Variants in ROR1 observed in about 807,000 individuals in gnomAD.
ROR1 encodes inactive tyrosine-protein kinase transmembrane receptor ROR1.
In ROR1, 19 loss-of-function variants were observed where a neutral mutation model predicts 78.8. The observed-to-expected ratio is 0.24, with a 90% confidence interval of 0.17 to 0.35. ROR1 has a LOEUF of 0.35. ROR1 is among the 10% of genes least tolerant of loss of function. The pLI is 1.00. For synonymous variants in ROR1, 386 were observed against 433.6 expected (o/e 0.89, Z 1.36); for missense variants, 917 against 1,177.8 (o/e 0.78, Z 3.24).
intron 2 of ROR1, among the ~76,000 whole-genome samples, chr1:64,029,825 A>G (rs565613605): frequency 2.0e-5 from 3 of 152,200 alleles, no homozygotes; most frequent in Non-Finnish European, 4.4e-5. Flanking sequence ...GGAGGAACAC[A>G]GTTCAGTCCA....
intron 1 of ROR1, among the ~76,000 whole-genome samples, chr1:63,903,983 T>A (rs1452177396): frequency 6.6e-6 from 1 of 152,088 alleles, no homozygotes; most frequent in Non-Finnish European, 1.5e-5. Flanking sequence ...GAGGCTGCAT[T>A]TGAGCAGAGT....
At chr1:63,968,862 A>G (rs1417371596) in intron 1 of ROR1, among the ~76,000 whole-genome samples, 1 of 152,218 alleles carries the variant, frequency 6.6e-6, no homozygotes, top group Non-Finnish European at 1.5e-5. Flanking sequence ...TTTGTTCAAC[A>G]CAGAGTTCAA....
chr1:63,831,965 C>T (rs1644991489), intron 1 of ROR1, among the ~76,000 whole-genome samples: 1 of 152,150 alleles, frequency 6.6e-6, no homozygotes, highest in Non-Finnish European at 1.5e-5. Flanking sequence ...GCCAGATATC[C>T]AAACCATCTC....
chr1:63,924,565 C>T (rs186285381), intron 1 of ROR1, among the ~76,000 whole-genome samples: 3 of 152,190 alleles, frequency 2.0e-5, no homozygotes, highest in Admixed American at 1.3e-4. Context: ...TACTGCCTCC[C>T]GATACTTTCA....
intron 1 of ROR1, among the ~76,000 whole-genome samples, chr1:63,832,902 C>T (rs1644997265): frequency 1.3e-5 from 2 of 152,194 alleles, no homozygotes; most frequent in Non-Finnish European, 2.9e-5. Flanking sequence ...GAGTTACACT[C>T]GAGTTACACT....
At chr1:64,150,247 C>A (rs146439058) in intron 7 of ROR1, among the ~76,000 whole-genome samples, 1 of 151,850 alleles carries the variant, frequency 6.6e-6, no homozygotes, top group African/African-American at 2.4e-5. Flanking sequence ...CAAAGAGTAT[C>A]CATGATAAGA....
chr1:63,774,359 G>A lies in ROR1; in HGVS notation c.-59G>A. 1 of 1,140,254 alleles carries A rather than the reference G, an allele frequency of 8.8e-7. No homozygotes were observed. The highest frequency in any genetic ancestry group is 1.1e-6 in the Non-Finnish European group (1 of 869,968). 70.6% of individuals were successfully genotyped at this position (1,140,254 alleles called of 1,614,324 possible). On this transcript the variant is annotated 5_prime_UTR_variant, in exon 1 of 9. It adds an upstream start codon to the 5' untranslated region. Coordinates refer to ENST00000371079, the MANE Select transcript of ROR1 (RefSeq NM_005012.4). The surrounding 1 kb of genome is among the most constrained non-coding windows in gnomAD (Gnocchi z 5.7). The stretch of plus-strand genomic sequence containing the variant: ...GCGGCCGGGAGCCCGGGAAGAGCCC[G>A]TGGATGTTCTGCGCGCGGCCTGGGA...
intron 4 of ROR1, chr1:64,106,538 G>C (rs1200952478): frequency 6.6e-6 from 1 of 152,154 alleles, no homozygotes; most frequent in Non-Finnish European, 1.5e-5. Flanking sequence ...CCTTGTACTA[G>C]TATTCAAAGG....
chr1:64,097,993 C>A (rs1217897020), intron 4 of ROR1, among the ~76,000 whole-genome samples: 1 of 152,154 alleles, frequency 6.6e-6, no homozygotes, highest in African/African-American at 2.4e-5. Context: ...AATTGCTACT[C>A]ATCTGTAAGA....
chr1:63,922,317 A>G (rs1645662260), intron 1 of ROR1, among the ~76,000 whole-genome samples: 1 of 152,250 alleles, frequency 6.6e-6, no homozygotes, highest in South Asian at 2.1e-4. Flanking sequence ...AAGCTCAGAC[A>G]GGCTCACTTG....
intron 4 of ROR1, among the ~76,000 whole-genome samples, chr1:64,119,629 G>T (rs1255121486): frequency 7.4e-6 from 1 of 135,628 alleles, no homozygotes; most frequent in African/African-American, 2.8e-5. Context: ...ACAGAGCGAG[G>T]CTCCGTCTCA....
At chr1:63,983,423 A>G (rs1267674630) in intron 1 of ROR1, among the ~76,000 whole-genome samples, 2 of 152,176 alleles carry the variant, frequency 1.3e-5, no homozygotes, top group African/African-American at 2.4e-5. Context: ...GAGATGGGCA[A>G]TAGGGGAAGC....
chr1:63,783,078 C>T (rs530508740), intron 1 of ROR1, among the ~76,000 whole-genome samples: 1 of 152,230 alleles, frequency 6.6e-6, no homozygotes, highest in African/African-American at 2.4e-5. Context: ...TCCATGGACT[C>T]GCTGAGACTA....
intron 1 of ROR1, among the ~76,000 whole-genome samples, chr1:63,785,919 C>T (rs1444498000): frequency 6.6e-6 from 1 of 152,224 alleles, no homozygotes; most frequent in African/African-American, 2.4e-5. Flanking sequence ...CCACTCACAT[C>T]TGGTGTCCCT....
intron 1 of ROR1, among the ~76,000 whole-genome samples, chr1:63,997,760 G>A (rs1243820037): frequency 6.6e-6 from 1 of 151,472 alleles, no homozygotes; most frequent in Non-Finnish European, 1.5e-5. Context: ...CTCCCCAGCT[G>A]AGTTTGGGAA....
chr1:64,106,164 A>C (rs1049078673), intron 4 of ROR1: 1 of 152,080 alleles, frequency 6.6e-6, no homozygotes, highest in Non-Finnish European at 1.5e-5. Flanking sequence ...CTCCTTGAAA[A>C]GGTCCTTCAC....
At chr1:64,130,838 T>C (rs1157888533) in intron 4 of ROR1, among the ~76,000 whole-genome samples, 3 of 152,244 alleles carry the variant, frequency 2.0e-5, no homozygotes. Context: ...GGGCTAATTT[T>C]ACCTTGAGAG....
intron 1 of ROR1, among the ~76,000 whole-genome samples, chr1:63,792,246 C>T (rs1395348569): frequency 1.3e-5 from 2 of 152,136 alleles, no homozygotes; most frequent in African/African-American, 2.4e-5. Flanking sequence ...GGAGTGTTAT[C>T]AGTTTACAGT....
chr1:64,129,928 A>T (rs755041894), intron 4 of ROR1, among the ~76,000 whole-genome samples: 3 of 152,214 alleles, frequency 2.0e-5, no homozygotes, highest in Non-Finnish European at 4.4e-5. Context: ...TGAGTTGGAC[A>T]CAAGTAACTC....
Sources: gnomAD v4.1 joint callset for allele counts (sites outside exome capture counted in the v4.1 genomes callset) on GRCh38, gnomAD v4.1.1 for gene constraint, Gnocchi (gnomAD v3.1) non-coding constraint, MANE v1.5 for transcripts, NCBI Gene and HGNC (gene_info 2026-07-23, HGNC 2026-07-21) for gene names.